The following ORC2 variants were observed in gnomAD, a reference collection of about 807,000 sequenced individuals.
ORC2 encodes origin recognition complex subunit 2.
Under a neutral mutation model 77.7 loss-of-function variants are expected in ORC2, and 37 were observed. The observed-to-expected ratio is 0.48, with a 90% CI of 0.37 to 0.63. The LOEUF is 0.63. Ranked by LOEUF, ORC2 falls within the 20% of genes least tolerant of loss-of-function variation. The pLI is 0.00. For synonymous variants in ORC2, 201 were observed against 229.5 expected (o/e 0.88, Z 1.12); for missense variants, 557 against 661.9 (o/e 0.84, Z 1.74).
In ORC2 at chr2:200,958,043, T is replaced by C. The variant is rs2041503392; in HGVS notation, c.81A>G (p.Leu27=). The C allele has an allele frequency of 3.1e-6, 5 of 1,590,110 alleles. No individual in the cohort carries two copies. The highest frequency in any genetic ancestry group is 3.3e-4 in the Middle Eastern group (2 of 6,042). ...VGDDDVLNHI[L]DREGGAKLKK... ...ATCACTTAATACCTCCTTCTCTATC[T>C]AGAATGTGATTAAGAACATCATCAT... Residue 27 remains leucine (L), a synonymous_variant, in exon 3 of 18, where the codon CTA becomes CTG. Coordinates refer to ENST00000234296, the MANE Select transcript of ORC2 (RefSeq NM_006190.5).
At chr2:200,913,449 A>T in intron 16 of ORC2, 36 bp from the exon 17 acceptor site, 1 of 1,547,152 alleles carries the variant, frequency 6.5e-7, no homozygotes, top group Non-Finnish European at 8.7e-7. Context: ...ATAAGTCAGC[A>T]CTTAAGACAT....
chr2:200,962,586 G>A (rs1333589433), intron 1 of ORC2, among the ~76,000 whole-genome samples: 2 of 152,080 alleles, frequency 1.3e-5, no homozygotes, highest in Admixed American at 6.5e-5. Flanking sequence ...CCCAATTATC[G>A]GTATTTTTAC....
intron 4 of ORC2, among the ~76,000 whole-genome samples, chr2:200,953,213 G>A (rs1445496474): frequency 2.7e-5 from 4 of 150,378 alleles, no homozygotes; most frequent in Admixed American, 6.6e-5. Context: ...AATCACTACT[G>A]CATTAGTTAC....
At chr2:200,921,278 G>A in intron 13 of ORC2, 139 bp from the exon 14 acceptor site, 1 of 447,692 alleles carries the variant, frequency 2.2e-6, no homozygotes, top group Non-Finnish European at 3.8e-6. Context: ...TCCCACCTCA[G>A]CCTCTCGATT....
chr2:200,928,227 G>C lies in ORC2; in HGVS notation c.918-1327C>G, dbSNP rs16824553. Reference sequence around the variant, plus strand: ...AAAAATTGGCTGGGCATGGTGGCAGGTGCCTGTAATCCCAGCTACTTGGGA... The same window carrying C: ...AAAAATTGGCTGGGCATGGTGGCAGCTGCCTGTAATCCCAGCTACTTGGGA... On this transcript the variant is annotated intron_variant, in intron 11 of 17. Transcript: ENST00000234296. Among the ~76,000 whole-genome samples, 80 of 151,886 alleles carry C rather than the reference G, an allele frequency of 5.3e-4. 2 individuals are homozygous for C. In the South Asian group the frequency reaches 0.016, roughly 31 times the overall value.
intron 13 of ORC2, among the ~76,000 whole-genome samples, chr2:200,924,928 T>C (rs572623677): frequency 1.7e-4 from 26 of 152,048 alleles, no homozygotes; most frequent in African/African-American, 6.3e-4. Context: ...CTGGCTAATT[T>C]TTTTGTATTT....
intron 4 of ORC2, among the ~76,000 whole-genome samples, 197 bp from the exon 5 acceptor site, chr2:200,949,840 T>C (rs1018362520): frequency 1.3e-5 from 2 of 152,150 alleles, no homozygotes; most frequent in African/African-American, 2.4e-5. Flanking sequence ...TAACATGCTA[T>C]TCAAAGATAC....
At chr2:200,912,550 G>GGACTACAGGTACAGCTGC (rs1184857666) in intron 17 of ORC2, among the ~76,000 whole-genome samples, 8 of 152,088 alleles carry the variant, frequency 5.3e-5, no homozygotes, top group Non-Finnish European at 1.2e-4. Flanking sequence ...TGGGCAGCTG[G>GGACTACAGGTACAGCTGC]GACTACAGGT....
chr2:200,937,363 T>G (rs907578394), intron 8 of ORC2, among the ~76,000 whole-genome samples: 3 of 152,210 alleles, frequency 2.0e-5, no homozygotes, highest in Non-Finnish European at 4.4e-5. Flanking sequence ...TTTTAACAAC[T>G]CTATGAAATC....
chr2:200,926,939 T>A (rs181344561), intron 11 of ORC2, 39 bp from the exon 12 acceptor site: 3 of 1,588,488 alleles, frequency 1.9e-6, no homozygotes, highest in Non-Finnish European at 2.6e-6. Context: ...TAAACTTCAA[T>A]ACCTCTTATT....
chr2:200,911,575 T>C (rs1265460327), intron 17 of ORC2, among the ~76,000 whole-genome samples, 188 bp from the exon 18 acceptor site: 5 of 152,230 alleles, frequency 3.3e-5, no homozygotes, highest in African/African-American at 1.2e-4. Flanking sequence ...AACATCCTTA[T>C]AGTGGAAAAG....
At chr2:200,929,847 G>A (rs956038172) in intron 11 of ORC2, among the ~76,000 whole-genome samples, 1 of 151,980 alleles carries the variant, frequency 6.6e-6, no homozygotes, top group Non-Finnish European at 1.5e-5. Flanking sequence ...CTACACAAAT[G>A]GAGTGACTAA....
intron 4 of ORC2, among the ~76,000 whole-genome samples, chr2:200,954,210 T>G (rs1243075143): frequency 6.6e-6 from 1 of 152,082 alleles, no homozygotes; most frequent in Non-Finnish European, 1.5e-5. Context: ...TTTTTTGTAT[T>G]TTTAGTAGAG....
At chr2:200,926,599 T>C (rs985542854) in intron 12 of ORC2, among the ~76,000 whole-genome samples, 169 bp downstream of exon 12, 1 of 152,240 alleles carries the variant, frequency 6.6e-6, no homozygotes, top group Non-Finnish European at 1.5e-5. Flanking sequence ...CATTCGAAGA[T>C]GGTTTCAAAG....
intron 4 of ORC2, among the ~76,000 whole-genome samples, chr2:200,954,370 ATAGTG>A (rs1432078805): frequency 1.3e-5 from 2 of 152,218 alleles, no homozygotes; most frequent in Non-Finnish European, 2.9e-5. Flanking sequence ...CTATGATTAA[ATAGTG>A]TAATCTGTAT....
rs746627413 is a variant in ORC2 at position 200,931,467 on chromosome 2, G to A, written c.808-19C>T. 6 of 1,339,466 alleles carry A rather than the reference G, an allele frequency of 4.5e-6. No homozygotes were observed. Among genetic ancestry groups the A allele is most frequent in the African/African-American group, 1.5e-5 (1 of 66,334 alleles). The allele number at this position is 1,339,466 out of a possible 1,614,324, so 83.0% of individuals were successfully genotyped here. On this transcript the variant is annotated intron_variant, in intron 10 of 17. Coordinates refer to ENST00000234296, the MANE Select transcript of ORC2 (RefSeq NM_006190.5). ...AAGTTTGCTTTAAAAAAAAGGAGGA[G>A]GGGAAAAAAGTCATTCTCAAAGCAC...
chr2:200,956,620 A>G (rs1260909347), intron 4 of ORC2, among the ~76,000 whole-genome samples: 1 of 152,040 alleles, frequency 6.6e-6, no homozygotes, highest in East Asian at 1.9e-4. Context: ...GTGAGCCACC[A>G]TGTCTGGCCA....
intron 10 of ORC2, among the ~76,000 whole-genome samples, chr2:200,932,334 C>CTTTTT (rs869076427): frequency 1.2e-4 from 14 of 120,162 alleles, no homozygotes; most frequent in African/African-American, 1.6e-4. Flanking sequence ...TCATTTCAAA[C>CTTTTT]TTTTTTTTTT....
chr2:200,910,618 A>G lies in ORC2; in HGVS notation c.*683T>C, dbSNP rs754249885. The G allele has an allele frequency of 6.6e-6, 1 of 152,200 alleles. No individual in the cohort carries two copies. The highest frequency in any genetic ancestry group is 2.4e-5 in the African/African-American group (1 of 41,456). 9.4% of individuals were successfully genotyped at this position (152,200 alleles called of 1,614,324 possible). On this transcript the variant is annotated 3_prime_UTR_variant, in exon 18 of 18. Transcript: ENST00000234296. ...CACAGACAATAACTGTTCCAAATAT[A>G]TGACGTATTGTTCCTGTGCTTTCTA...
Sources: allele counts gnomAD v4.1 joint callset (sites outside exome capture counted in the v4.1 genomes callset), GRCh38; gene constraint gnomAD v4.1.1; transcripts MANE v1.5; gene names NCBI Gene and HGNC (gene_info 2026-07-23, HGNC 2026-07-21).